The following LDB2 variants were observed in gnomAD, a reference collection of about 807,000 sequenced individuals.
The protein encoded by LDB2 is LIM domain binding 2.
In LDB2, 12 loss-of-function variants were observed where a neutral mutation model predicts 44.3. The observed-to-expected ratio is 0.27, with a 90% CI of 0.17 to 0.44. The LOEUF is 0.44. LDB2 is among the 20% of genes least tolerant of loss of function. LDB2 has a pLI of 1.00. For synonymous variants in LDB2, 164 were observed against 174.8 expected, an observed-to-expected ratio of 0.94 and a Z score of 0.49; for missense variants, 344 against 473.5, an observed-to-expected ratio of 0.73 and a Z score of 2.54.
chr4:16,805,080 AGAGAGAGGGAGATG>A (rs1395981702), intron 1 of LDB2, among the ~76,000 whole-genome samples: 3 of 151,774 alleles, frequency 2.0e-5, no homozygotes, highest in Admixed American at 1.3e-4. Flanking sequence ...AAGAGAAAGG[AGAGAGAGGGAGATG>A]GAGAGAGAGA....
Position 16,516,136 on chromosome 4 carries a change from A to T in LDB2, c.616-4032T>A, listed in dbSNP as rs187590743. Among the ~76,000 whole-genome samples the T allele has an allele frequency of 5.8e-3, 882 of 152,150 alleles. 4 individuals are homozygous for T. Among genetic ancestry groups the T allele is most frequent in the South Asian group, 0.013 (62 of 4,804 alleles). On this transcript the variant is annotated intron_variant, in intron 5 of 7. Transcript: ENST00000304523. The stretch of plus-strand genomic sequence containing the variant: ...CACCTCGACCTCCCAAAGTGCTGGG[A>T]TTACAGGCGTGAGCCACCACGCCCA...
chr4:16,732,463 A>T (rs1760956956), intron 2 of LDB2, among the ~76,000 whole-genome samples: 1 of 152,204 alleles, frequency 6.6e-6, no homozygotes, highest in Non-Finnish European at 1.5e-5. Context: ...ATGTATGATT[A>T]TTAACTTATA....
intron 1 of LDB2, among the ~76,000 whole-genome samples, chr4:16,815,426 CCT>C (rs1468394296): frequency 6.6e-6 from 1 of 152,174 alleles, no homozygotes; most frequent in South Asian, 2.1e-4. Context: ...CTTAATTACC[CCT>C]GAGTTTCTGT....
chr4:16,811,569 A>G (rs1261608360), intron 1 of LDB2, among the ~76,000 whole-genome samples: 1 of 152,204 alleles, frequency 6.6e-6, no homozygotes. Flanking sequence ...TTAATCTGTC[A>G]TTTCTGTGGA....
At chr4:16,751,693 A>T (rs1480795808) in intron 2 of LDB2, among the ~76,000 whole-genome samples, 1 of 152,242 alleles carries the variant, frequency 6.6e-6, no homozygotes, top group East Asian at 1.9e-4. Context: ...AAGTAAATTT[A>T]AAAATTTGTG....
intron 1 of LDB2, chr4:16,826,366 C>CA (rs1783070418): frequency 6.6e-6 from 1 of 152,118 alleles, no homozygotes; most frequent in Non-Finnish European, 1.5e-5. Context: ...AGCAAAAGGA[C>CA]AAAAATGAAA....
At chr4:16,784,715 T>C (rs1231586315) in intron 1 of LDB2, among the ~76,000 whole-genome samples, 1 of 152,186 alleles carries the variant, frequency 6.6e-6, no homozygotes, top group Non-Finnish European at 1.5e-5. Context: ...CATTCAGGCC[T>C]TTCTGGGGTC....
At chr4:16,504,770 A>C (rs979589237) in intron 7 of LDB2, among the ~76,000 whole-genome samples, 12 of 152,110 alleles carry the variant, frequency 7.9e-5, no homozygotes, top group African/African-American at 2.4e-4. Flanking sequence ...AGTGCCACTG[A>C]GTTATAGGCA....
intron 2 of LDB2, among the ~76,000 whole-genome samples, chr4:16,758,737 T>C (rs1767232501): frequency 6.6e-6 from 1 of 152,098 alleles, no homozygotes; most frequent in Non-Finnish European, 1.5e-5. Flanking sequence ...AGATAATTGA[T>C]AAGAGGGGAT....
intron 1 of LDB2, among the ~76,000 whole-genome samples, chr4:16,829,674 G>T (rs1783712903): frequency 6.6e-6 from 1 of 152,142 alleles, no homozygotes; most frequent in South Asian, 2.1e-4. Context: ...TAAGTAAAAG[G>T]AGGTGATGTC....
At chr4:16,623,702 T>C (rs975949340) in intron 2 of LDB2, among the ~76,000 whole-genome samples, 1 of 152,168 alleles carries the variant, frequency 6.6e-6, no homozygotes, top group African/African-American at 2.4e-5. Flanking sequence ...GTCACATTGA[T>C]ACTCAGCTTA....
intron 2 of LDB2, among the ~76,000 whole-genome samples, chr4:16,600,689 C>A (rs1220321395): frequency 6.6e-6 from 1 of 152,052 alleles, no homozygotes; most frequent in Non-Finnish European, 1.5e-5. Flanking sequence ...CGTTGTTGTT[C>A]TATTTTGTTT....
At chr4:16,646,882 G>A (rs532912726) in intron 2 of LDB2, among the ~76,000 whole-genome samples, 2 of 152,284 alleles carry the variant, frequency 1.3e-5, no homozygotes, top group Admixed American at 6.5e-5. Context: ...CAGCCACTTT[G>A]GAAAACAGTC....
At chr4:16,584,505 T>C (rs1461896605) in intron 5 of LDB2, among the ~76,000 whole-genome samples, 1 of 152,198 alleles carries the variant, frequency 6.6e-6, no homozygotes, top group Non-Finnish European at 1.5e-5. Flanking sequence ...CCTCGGTGCC[T>C]CACTTTGCTA....
At chr4:16,836,753 G>A (rs1272674270) in intron 1 of LDB2, among the ~76,000 whole-genome samples, 1 of 152,090 alleles carries the variant, frequency 6.6e-6, no homozygotes, top group Non-Finnish European at 1.5e-5. Context: ...TGGAATTATT[G>A]AATCCTTAAA....
chr4:16,674,922 C>T (rs1416851324), intron 2 of LDB2, among the ~76,000 whole-genome samples: 3 of 146,244 alleles, frequency 2.1e-5, no homozygotes, highest in African/African-American at 5.1e-5. Flanking sequence ...AAAATATCTG[C>T]TTTATTATCT....
chr4:16,871,197 C>T (rs921599248), intron 1 of LDB2, among the ~76,000 whole-genome samples: 1 of 152,054 alleles, frequency 6.6e-6, no homozygotes, highest in African/African-American at 2.4e-5. Context: ...TTATTTATGT[C>T]TGTTGCATGA....
intron 5 of LDB2, among the ~76,000 whole-genome samples, chr4:16,546,408 A>T (rs900341346): frequency 6.6e-6 from 1 of 152,236 alleles, no homozygotes; most frequent in Admixed American, 6.5e-5. Context: ...AATAATTACC[A>T]TATATAGATA....
chr4:16,816,517 T>C (rs1780945862), intron 1 of LDB2, among the ~76,000 whole-genome samples: 1 of 149,888 alleles, frequency 6.7e-6, no homozygotes. Flanking sequence ...CAAGCGATTC[T>C]CCCACCTCAG....
Sources: allele counts gnomAD v4.1 joint callset (sites outside exome capture counted in the v4.1 genomes callset), GRCh38; gene constraint gnomAD v4.1.1; transcripts MANE v1.5; gene names NCBI Gene and HGNC (gene_info 2026-07-23, HGNC 2026-07-21).